WNK3: variants seen among roughly 807,000 people sequenced by gnomAD.
WNK3 encodes the protein serine/threonine-protein kinase WNK3.
A neutral mutation model predicts 116.7 loss-of-function variants in WNK3; 18 were observed. That is an observed-to-expected ratio of 0.15 (90% CI 0.11 to 0.23). The LOEUF is 0.23. Ranked by LOEUF, WNK3 falls within the 10% of genes least tolerant of loss-of-function variation. WNK3 has a pLI of 1.00. For synonymous variants in WNK3, 404 were observed against 469.4 expected (o/e 0.86, Z 1.80); for missense variants, 993 against 1,323.8 (o/e 0.75, Z 3.88).
At chrX:54,288,793 C>T (rs2068607785) in intron 10 of WNK3, among the ~76,000 whole-genome samples, 1 of 111,182 alleles carries the variant, frequency 9.0e-6, no homozygotes, top group Non-Finnish European at 1.9e-5. Flanking sequence ...ATCCTTTGTT[C>T]CAATGTTGAA....
chrX:54,325,679 CAAAAAAAAAAAAAA>C (rs57064020), intron 2 of WNK3, among the ~76,000 whole-genome samples: 1 of 11,311 alleles, frequency 8.8e-5, no homozygotes, highest in Non-Finnish European at 2.3e-4. Flanking sequence ...AACTCCCTCT[CAAAAAAAAAAAAAA>C]AAAAAAAAAA....
chrX:54,262,585 G>C (rs142656121), intron 10 of WNK3, among the ~76,000 whole-genome samples: 65 of 110,737 alleles, frequency 5.9e-4, no homozygotes, highest in African/African-American at 2.1e-3. Flanking sequence ...TGTGTAGCAG[G>C]CACTGTGCTA....
chrX:54,298,518 A>C, intron 6 of WNK3, 124 bp from the exon 7 acceptor site: 1 of 515,855 alleles, frequency 1.9e-6, no homozygotes. Flanking sequence ...TTTAATCATT[A>C]ATCTGCCTTG....
chrX:54,309,210 A>C (rs2068858949), exon 4 of WNK3: 2 of 1,208,987 alleles, frequency 1.7e-6, no homozygotes, highest in Non-Finnish European at 2.2e-6. Flanking sequence ...GATCCCGGTG[A>C]ATAATAGGAG....
At chrX:54,342,226 C>T (rs1341598014) in intron 1 of WNK3, among the ~76,000 whole-genome samples, 1 of 111,650 alleles carries the variant, frequency 9.0e-6, no homozygotes, top group Non-Finnish European at 1.9e-5. Flanking sequence ...TGCAACATTG[C>T]ACTCCAGCCT....
intron 5 of WNK3, among the ~76,000 whole-genome samples, chrX:54,305,445 A>C (rs2068813101): frequency 9.0e-6 from 1 of 111,547 alleles, no homozygotes; most frequent in Admixed American, 9.6e-5. Flanking sequence ...TCAGAGAATC[A>C]GGTGTTAAAC....
chrX:54,337,598 A>AAATAAATAAATAAATAAATAAATG (rs782465314), intron 1 of WNK3, among the ~76,000 whole-genome samples: 1 of 106,169 alleles, frequency 9.4e-6, no homozygotes, highest in Non-Finnish European at 1.9e-5. Flanking sequence ...ATAAATAAAT[A>AAATAAATAAATAAATAAATAAATG]AAATATTTGA....
intron 1 of WNK3, among the ~76,000 whole-genome samples, chrX:54,352,440 A>G (rs1313945074): frequency 9.0e-6 from 1 of 110,858 alleles, no homozygotes; most frequent in Non-Finnish European, 1.9e-5. Context: ...TTGAGAGGCT[A>G]AGGCAGGAGG....
At chrX:54,291,016 T>A (rs1460134964) in intron 10 of WNK3, among the ~76,000 whole-genome samples, 1 of 111,650 alleles carries the variant, frequency 9.0e-6, no homozygotes, top group African/African-American at 3.3e-5. Flanking sequence ...ACCTCAAACA[T>A]AAACAATAAG....
At position 54,201,469 on chromosome X, in the gene WNK3, T is replaced by A. The variant is rs183300679; in HGVS notation, c.5073+522A>T. Among the ~76,000 whole-genome samples, 162 of 112,243 alleles carry A rather than the reference T, an allele frequency of 1.4e-3. 1 individual carries two copies. The highest frequency in any genetic ancestry group is 2.3e-3 in the Non-Finnish European group (120 of 53,278). ...TTCTTTTTCATAATGAACAAATAAC[T>A]TATCAGATCTAAGAATATTGACGTG... On this transcript the variant is annotated intron_variant, in intron 23 of 23. Transcript: ENST00000354646.
At chrX:54,243,551 C>A (rs1326076717) in intron 17 of WNK3, among the ~76,000 whole-genome samples, 1 of 110,362 alleles carries the variant, frequency 9.1e-6, no homozygotes, top group Non-Finnish European at 1.9e-5. Flanking sequence ...AACAAGCACA[C>A]GAAAAGATTC....
At chrX:54,353,918 C>T (rs1324402402) in intron 1 of WNK3, among the ~76,000 whole-genome samples, 1 of 109,136 alleles carries the variant, frequency 9.2e-6, no homozygotes, top group African/African-American at 3.3e-5. Context: ...CCCATCTATA[C>T]CAAAAATACA....
At chrX:54,246,450 C>A (rs1049817522) in intron 17 of WNK3, among the ~76,000 whole-genome samples, 1 of 109,596 alleles carries the variant, frequency 9.1e-6, no homozygotes, top group Non-Finnish European at 1.9e-5. Context: ...GGGAATAATC[C>A]AAGAGGCCAT....
At chrX:54,312,725 G>C (rs782689970) in intron 2 of WNK3, among the ~76,000 whole-genome samples, 50 of 111,635 alleles carry the variant, frequency 4.5e-4, no homozygotes, top group Non-Finnish European at 7.3e-4. Flanking sequence ...ACAGGAGTGA[G>C]CTATTGCGCC....
At chrX:54,288,714 G>A (rs1254102742) in intron 10 of WNK3, among the ~76,000 whole-genome samples, 2 of 111,266 alleles carry the variant, frequency 1.8e-5, no homozygotes, top group Admixed American at 9.6e-5. Flanking sequence ...GGATGGAGTC[G>A]CTGAAAGCTG....
Position 54,308,952 on chromosome X carries a change from G to A in WNK3, c.931+143C>T, listed in dbSNP as rs1557169186. On this transcript the variant is annotated intron_variant, in intron 4 of 23. Transcript: ENST00000354646. ...AATCTGTAAATGAGTGAGTGTGACT[G>A]TGTTCTAATAAAATTCGATTTACAA... 6.7e-5 allele frequency: 32 copies of A among 478,818 alleles called. 1 individual carries two copies. In the South Asian group the frequency reaches 9.5e-4, roughly 14 times the overall value. 39.5% of individuals were successfully genotyped at this position (478,818 alleles called of 1,213,427 possible).
At chrX:54,237,494 T>G (rs1156555298) in exon 20 of WNK3, 11 of 1,181,351 alleles carry the variant, frequency 9.3e-6, no homozygotes, top group Non-Finnish European at 1.2e-5. Flanking sequence ...AACACTGATA[T>G]GTGTTCTATT....
intron 12 of WNK3, 64 bp from the exon 13 acceptor site, chrX:54,254,139 G>A (rs1569536793): frequency 2.9e-6 from 2 of 699,962 alleles, no homozygotes; most frequent in Non-Finnish European, 4.4e-6. Context: ...AATTGTGCAA[G>A]GAACATCTAC....
chrX:54,237,654 A>G (rs1456446734), intron 19 of WNK3, 103 bp from the exon 20 acceptor site: 16 of 807,609 alleles, frequency 2.0e-5, no homozygotes, highest in Non-Finnish European at 2.5e-5. Flanking sequence ...AATTTAATCT[A>G]TACCCCCAAA....
Sources: allele counts gnomAD v4.1 joint callset (sites outside exome capture counted in the v4.1 genomes callset), GRCh38; gene constraint gnomAD v4.1.1; transcripts MANE v1.5; gene names NCBI Gene and HGNC (gene_info 2026-07-23, HGNC 2026-07-21).